The following HS3ST5 variants were observed in gnomAD, a reference collection of about 807,000 sequenced individuals.
The protein encoded by HS3ST5 is heparan sulfate-glucosamine 3-sulfotransferase 5.
In HS3ST5, 10 loss-of-function variants were observed where a neutral mutation model predicts 25.4. The observed-to-expected ratio is 0.39, with a 90% CI of 0.24 to 0.67. HS3ST5 has a LOEUF of 0.67. HS3ST5 is among the 30% of genes least tolerant of loss of function. HS3ST5 has a pLI of 0.44. For missense variants in HS3ST5, 324 were observed against 420.7 expected, an observed-to-expected ratio of 0.77 and a Z score of 2.01; for synonymous variants, 170 against 162.4, an observed-to-expected ratio of 1.05 and a Z score of -0.36.
At chr6:114,171,323 C>A (rs973895161) in intron 2 of HS3ST5, among the ~76,000 whole-genome samples, 1 of 152,100 alleles carries the variant, frequency 6.6e-6, no homozygotes, top group Non-Finnish European at 1.5e-5. Flanking sequence ...AAAAGTTCTG[C>A]TTTTAACTTG....
intron 1 of HS3ST5, among the ~76,000 whole-genome samples, chr6:114,259,926 T>A (rs1264471125): frequency 6.6e-6 from 1 of 152,194 alleles, no homozygotes; most frequent in East Asian, 1.9e-4. Context: ...TAAAATGGAA[T>A]TTTTTATTTC....
intron 1 of HS3ST5, among the ~76,000 whole-genome samples, chr6:114,332,258 G>A (rs1776430760): frequency 6.6e-6 from 1 of 152,118 alleles, no homozygotes; most frequent in Non-Finnish European, 1.5e-5. Context: ...AAGGGGTGGA[G>A]TTTTCCCTGC....
intron 1 of HS3ST5, among the ~76,000 whole-genome samples, chr6:114,310,708 C>T (rs1475024162): frequency 6.6e-6 from 1 of 152,104 alleles, no homozygotes; most frequent in Non-Finnish European, 1.5e-5. Context: ...CTCATTTTCA[C>T]ACCATCGTAG....
At chr6:114,160,080 T>C (rs1018616320) in intron 3 of HS3ST5, among the ~76,000 whole-genome samples, 1 of 152,128 alleles carries the variant, frequency 6.6e-6, no homozygotes, top group Non-Finnish European at 1.5e-5. Context: ...AAAATAATTG[T>C]GACAGGAATA....
chr6:114,156,501 T>A (rs558101037), intron 3 of HS3ST5, among the ~76,000 whole-genome samples: 1 of 152,352 alleles, frequency 6.6e-6, no homozygotes, highest in East Asian at 1.9e-4. Flanking sequence ...CTCTTAAATA[T>A]ACAGTTATGT....
chr6:114,084,409 G>A, intron 3 of HS3ST5: 1 of 755,702 alleles, frequency 1.3e-6, no homozygotes, highest in Non-Finnish European at 2.4e-6. Flanking sequence ...TTCAGCAGCA[G>A]CCTGCTCTTC....
At chr6:114,235,459 G>C (rs1285086566) in intron 1 of HS3ST5, among the ~76,000 whole-genome samples, 1 of 151,356 alleles carries the variant, frequency 6.6e-6, no homozygotes, top group Non-Finnish European at 1.5e-5. Flanking sequence ...CAACAAATGA[G>C]TGACAGAAGA....
intron 3 of HS3ST5, among the ~76,000 whole-genome samples, chr6:114,135,157 C>T (rs1777531414): frequency 6.6e-6 from 1 of 152,214 alleles, no homozygotes; most frequent in Non-Finnish European, 1.5e-5. Context: ...AGAGCCACTG[C>T]AGATACCTGC....
chr6:114,077,800 GA>G (rs780861099), intron 3 of HS3ST5, among the ~76,000 whole-genome samples: 2 of 152,078 alleles, frequency 1.3e-5, no homozygotes, highest in Non-Finnish European at 2.9e-5. Context: ...TTTTAATGAA[GA>G]CCAAAGAAAT....
chr6:114,274,807 T>C (rs1773779167), intron 1 of HS3ST5, among the ~76,000 whole-genome samples: 1 of 152,062 alleles, frequency 6.6e-6, no homozygotes, highest in Non-Finnish European at 1.5e-5. Context: ...GTTCTAGAGT[T>C]TAAGTACCTT....
intron 2 of HS3ST5, among the ~76,000 whole-genome samples, chr6:114,193,821 T>C (rs1414098205): frequency 6.6e-6 from 1 of 152,194 alleles, no homozygotes; most frequent in African/African-American, 2.4e-5. Flanking sequence ...TATTAGATTA[T>C]GGTTATACAT....
At chr6:114,206,992 T>A (rs1781300178) in intron 2 of HS3ST5, among the ~76,000 whole-genome samples, 1 of 152,194 alleles carries the variant, frequency 6.6e-6, no homozygotes, top group Admixed American at 6.5e-5. Flanking sequence ...GAAATTTTCA[T>A]GTATTAAGGC....
intron 3 of HS3ST5, among the ~76,000 whole-genome samples, chr6:114,068,052 GATTA>G (rs1205936145): frequency 4.6e-5 from 7 of 152,100 alleles, no homozygotes; most frequent in South Asian, 4.2e-4. Context: ...TCGGGAGGTA[GATTA>G]ATTATTTTAC....
intron 1 of HS3ST5, among the ~76,000 whole-genome samples, chr6:114,325,998 G>C (rs527964923): frequency 3.4e-4 from 52 of 152,278 alleles, no homozygotes; most frequent in Non-Finnish European, 1.3e-4. Flanking sequence ...GTTGATGAGA[G>C]GGGAGAAATT....
At chr6:114,315,738 T>C (rs1775719979) in intron 1 of HS3ST5, among the ~76,000 whole-genome samples, 1 of 152,348 alleles carries the variant, frequency 6.6e-6, no homozygotes, top group East Asian at 1.9e-4. Context: ...CAACAGGTTA[T>C]AGACATATAT....
At chr6:114,285,594 T>C (rs1774304191) in intron 1 of HS3ST5, among the ~76,000 whole-genome samples, 1 of 152,026 alleles carries the variant, frequency 6.6e-6, no homozygotes, top group Non-Finnish European at 1.5e-5. Context: ...AAATACTGCA[T>C]GATTCCACTC....
At chr6:114,223,841 A>G (rs562491833) in intron 2 of HS3ST5, among the ~76,000 whole-genome samples, 1 of 151,900 alleles carries the variant, frequency 6.6e-6, no homozygotes, top group Admixed American at 6.6e-5. Context: ...AAATTTCAAT[A>G]TAAATATTTG....
At chr6:114,141,536 T>C (rs146734080) in intron 3 of HS3ST5, among the ~76,000 whole-genome samples, 1 of 152,350 alleles carries the variant, frequency 6.6e-6, no homozygotes, top group East Asian at 1.9e-4. Flanking sequence ...TATGTAGTGC[T>C]GAGAGTTTGT....
At chr6:114,169,116 C>T (rs1779350485) in intron 2 of HS3ST5, among the ~76,000 whole-genome samples, 1 of 152,116 alleles carries the variant, frequency 6.6e-6, no homozygotes, top group African/African-American at 2.4e-5. Context: ...TATTTAATTA[C>T]TCTTTCAGGC....
Sources: allele counts gnomAD v4.1 joint callset (sites outside exome capture counted in the v4.1 genomes callset), GRCh38; gene constraint gnomAD v4.1.1; transcripts MANE v1.5; gene names NCBI Gene and HGNC (gene_info 2026-07-23, HGNC 2026-07-21).